Variants in CCDC170 observed in about 807,000 individuals in gnomAD.
CCDC170 encodes coiled-coil domain containing 170.
Under a neutral mutation model 72.6 loss-of-function variants are expected in CCDC170, and 69 were observed. That is an observed-to-expected ratio of 0.95 (90% CI 0.78 to 1.16). The LOEUF (loss-of-function observed/expected upper bound fraction) is 1.16. CCDC170 is among the 50% of genes most tolerant of loss of function. The pLI, the probability that CCDC170 is intolerant of heterozygous loss-of-function variation, is 0.00. For missense variants in CCDC170, 852 were observed against 832.5 expected (o/e 1.02, Z -0.29); for synonymous variants, 300 against 303.9 (o/e 0.99, Z 0.13).
At chr6:151,543,766 C>T (rs1782729531) in intron 3 of CCDC170, among the ~76,000 whole-genome samples, 1 of 152,162 alleles carries the variant, frequency 6.6e-6, no homozygotes, top group Admixed American at 6.5e-5. Context: ...ATAATATCCT[C>T]CAGGTTCATC....
rs1777015353 is a variant in CCDC170 at position 151,618,989 on chromosome 6, A to G, written c.*842A>G. 2 of 138,522 alleles carry G rather than the reference A, an allele frequency of 1.4e-5. No individual in the cohort carries two copies. Among genetic ancestry groups the G allele is most frequent in the South Asian group, 2.4e-4 (1 of 4,152 alleles). 8.6% of individuals were successfully genotyped at this position (138,522 alleles called of 1,614,324 possible). On this transcript the variant is annotated 3_prime_UTR_variant, in exon 11 of 11. Transcript: ENST00000239374. ...GCACTCCAGCCTGGGCGACAGAGTG[A>G]AACTACATCTCAGAAAAAAAAAAAA...
intron 6 of CCDC170, among the ~76,000 whole-genome samples, chr6:151,576,494 C>T (rs553376583): frequency 1.5e-4 from 23 of 151,932 alleles, no homozygotes; most frequent in Admixed American, 1.2e-3. Flanking sequence ...CCAAACAAGG[C>T]GCATAATTAT....
At chr6:151,561,835 C>A (rs191879074) in intron 5 of CCDC170, among the ~76,000 whole-genome samples, 4 of 152,046 alleles carry the variant, frequency 2.6e-5, no homozygotes, top group Non-Finnish European at 4.4e-5. Flanking sequence ...TTTTCATCTT[C>A]TCTTTCAGGA....
At chr6:151,505,147 TCTA>T (rs1782049070) in intron 1 of CCDC170, among the ~76,000 whole-genome samples, 1 of 152,114 alleles carries the variant, frequency 6.6e-6, no homozygotes, top group African/African-American at 2.4e-5. Context: ...TGTCATTCAT[TCTA>T]CTCCTAGGAG....
chr6:151,496,050 AT>A (rs919705006), intron 1 of CCDC170, among the ~76,000 whole-genome samples: 38 of 151,652 alleles, frequency 2.5e-4, no homozygotes, highest in East Asian at 7.7e-4. Context: ...AGTTCTTCAC[AT>A]TTTTTTTGTT....
chr6:151,607,366 C>T (rs1004297444), intron 9 of CCDC170, among the ~76,000 whole-genome samples: 5 of 151,646 alleles, frequency 3.3e-5, no homozygotes, highest in African/African-American at 1.2e-4. Flanking sequence ...TTCCTTTTTT[C>T]CTCTCTTATT....
intron 1 of CCDC170, among the ~76,000 whole-genome samples, chr6:151,523,846 CTG>C (rs1169950003): frequency 6.6e-5 from 10 of 152,152 alleles, no homozygotes; most frequent in African/African-American, 2.4e-4. Flanking sequence ...GCAAACACTG[CTG>C]TGTTACAGAC....
intron 1 of CCDC170, among the ~76,000 whole-genome samples, chr6:151,523,977 G>T (rs1487964272): frequency 1.3e-5 from 2 of 152,200 alleles, no homozygotes; most frequent in Non-Finnish European, 1.5e-5. Context: ...AGCGAAAGGA[G>T]AAAGCTCACT....
intron 1 of CCDC170, among the ~76,000 whole-genome samples, chr6:151,515,307 G>T (rs1782218453): frequency 6.6e-6 from 1 of 152,206 alleles, no homozygotes. Flanking sequence ...TATTGAGACG[G>T]AGTCTCACTC....
intron 7 of CCDC170, among the ~76,000 whole-genome samples, chr6:151,590,774 G>A (rs1420579891): frequency 6.6e-6 from 1 of 152,002 alleles, no homozygotes; most frequent in Admixed American, 6.6e-5. Flanking sequence ...ATCCCTTTTT[G>A]CCTGTTGTAG....
intron 1 of CCDC170, among the ~76,000 whole-genome samples, chr6:151,525,652 C>T (rs1188924054): frequency 1.3e-5 from 2 of 152,196 alleles, no homozygotes; most frequent in African/African-American, 4.8e-5. Flanking sequence ...GATAATCCCA[C>T]CACCCTTTGC....
chr6:151,511,991 G>A (rs915408526), intron 1 of CCDC170, among the ~76,000 whole-genome samples: 38 of 151,476 alleles, frequency 2.5e-4, no homozygotes, highest in Admixed American at 1.6e-3. Flanking sequence ...GGACCATAGG[G>A]ACACTACCAT....
At chr6:151,597,167 C>T (rs1776639501) in intron 9 of CCDC170, among the ~76,000 whole-genome samples, 1 of 151,858 alleles carries the variant, frequency 6.6e-6, no homozygotes, top group South Asian at 2.1e-4. Flanking sequence ...CTCTGTTGTC[C>T]AGGCTAGAGT....
At chr6:151,502,212 G>A (rs1782003061) in intron 1 of CCDC170, among the ~76,000 whole-genome samples, 1 of 152,194 alleles carries the variant, frequency 6.6e-6, no homozygotes, top group African/African-American at 2.4e-5. Flanking sequence ...TTTAGAGACT[G>A]CAGTGAACCA....
Position 151,620,537 on chromosome 6 carries a change from G to A in CCDC170, c.*2390G>A, listed in dbSNP as rs1233272792. On this transcript the variant is annotated 3_prime_UTR_variant, in exon 11 of 11. Transcript: ENST00000239374. ...AGATGTAGTAGTGTCTGCTGTTTTG[G>A]ATCGAAAATCACCTTGAGTGGAGGA... The A allele has an allele frequency of 2.0e-5, 3 of 152,188 alleles. No homozygotes were observed. The highest frequency in any genetic ancestry group is 1.5e-5 in the Non-Finnish European group (1 of 68,074). The allele number at this position is 152,188 out of a possible 1,614,324, so 9.4% of individuals were successfully genotyped here.
intron 5 of CCDC170, among the ~76,000 whole-genome samples, chr6:151,549,884 G>A (rs1496108): frequency 0.61 from 92,823 of 152,052 alleles, 30,677 homozygotes; most frequent in Admixed American, 0.72. Flanking sequence ...ATACATTATT[G>A]TCAATACAGC....
At chr6:151,557,337 A>T (rs1782997311) in intron 5 of CCDC170, among the ~76,000 whole-genome samples, 1 of 150,830 alleles carries the variant, frequency 6.6e-6, no homozygotes, top group African/African-American at 2.4e-5. Flanking sequence ...TGAACCCAGG[A>T]GGCGGAGGTT....
chr6:151,514,027 A>G (rs985828391), intron 1 of CCDC170, among the ~76,000 whole-genome samples: 2 of 152,006 alleles, frequency 1.3e-5, no homozygotes, highest in African/African-American at 4.8e-5. Context: ...AGACAATCAC[A>G]GAAATATTAA....
chr6:151,519,878 G>A lies in CCDC170; in HGVS notation c.58-16440G>A, dbSNP rs112757580. ...CAATGTATTATAATTAGCATATAAT[G>A]AGCAGTGAGGATGACCAGAGGTTAC... On this transcript the variant is annotated intron_variant, in intron 1 of 10. Transcript: ENST00000239374. Among the ~76,000 whole-genome samples the A allele has an allele frequency of 6.9e-3, 1,046 of 152,318 alleles. 6 individuals are homozygous for A. The highest frequency in any genetic ancestry group is 9.9e-3 in the Non-Finnish European group (671 of 68,028).
Sources: gnomAD v4.1 joint callset for allele counts (sites outside exome capture counted in the v4.1 genomes callset) on GRCh38, gnomAD v4.1.1 for gene constraint, MANE v1.5 for transcripts, NCBI Gene and HGNC (gene_info 2026-07-23, HGNC 2026-07-21) for gene names.